NAA15: variants seen among roughly 807,000 people sequenced by gnomAD.
The protein encoded by NAA15 is N-alpha-acetyltransferase 15, NatA auxiliary subunit, also known as N-terminal acetyltransferase.
A neutral mutation model predicts 114.0 loss-of-function variants in NAA15; 34 were observed. The ratio of observed to expected loss-of-function variants is 0.30; its 90% CI spans 0.23 to 0.40. The LOEUF (loss-of-function observed/expected upper bound fraction) is 0.40. Ranked by LOEUF, NAA15 falls within the 10% of genes least tolerant of loss-of-function variation. The pLI is 1.00. For synonymous variants in NAA15, 340 were observed against 338.0 expected, an observed-to-expected ratio of 1.01 and a Z score of -0.06; for missense variants, 658 against 1,004.5, an observed-to-expected ratio of 0.66 and a Z score of 4.66.
intron 1 of NAA15, among the ~76,000 whole-genome samples, chr4:139,307,299 A>G (rs993127229): frequency 3.3e-5 from 5 of 152,174 alleles, no homozygotes; most frequent in African/African-American, 1.2e-4. Context: ...GACAGGGTCT[A>G]ACTCTATCAC....
chr4:139,375,115 G>A (rs757706512), intron 15 of NAA15, among the ~76,000 whole-genome samples: 1 of 152,146 alleles, frequency 6.6e-6, no homozygotes, highest in Non-Finnish European at 1.5e-5. Flanking sequence ...GCCTTTCTCT[G>A]ATACAACTGT....
chr4:139,355,031 G>A (rs913322731), intron 10 of NAA15, among the ~76,000 whole-genome samples: 1 of 152,044 alleles, frequency 6.6e-6, no homozygotes, highest in African/African-American at 2.4e-5. Context: ...CTGCCACCAC[G>A]CCTGGCTAAT....
chr4:139,332,572 GTTTTTTTTTTTTTTT>G (rs1164115947), intron 1 of NAA15, among the ~76,000 whole-genome samples: 2 of 62,012 alleles, frequency 3.2e-5, no homozygotes, highest in East Asian at 5.8e-4. Flanking sequence ...TGGTTTGTAT[GTTTTTTTTTTTTTTT>G]TTTTTTTTTT....
intron 15 of NAA15, among the ~76,000 whole-genome samples, chr4:139,370,813 G>T (rs1748414967): frequency 6.6e-6 from 1 of 152,212 alleles, no homozygotes; most frequent in Non-Finnish European, 1.5e-5. Flanking sequence ...TCTAATGTCT[G>T]TTACAGTGGT....
intron 8 of NAA15, 28 bp from the exon 9 acceptor site, chr4:139,351,477 T>C (rs763831546): frequency 5.4e-5 from 72 of 1,322,362 alleles, no homozygotes; most frequent in Non-Finnish European, 7.2e-5. Flanking sequence ...TTGATAAATA[T>C]AAGCGAAAAG....
intron 1 of NAA15, among the ~76,000 whole-genome samples, chr4:139,332,875 C>T (rs900872268): frequency 2.0e-5 from 3 of 152,048 alleles, no homozygotes; most frequent in Admixed American, 6.5e-5. Context: ...AGCCACCGTG[C>T]CTGGCCTCTT....
chr4:139,304,149 A>C (rs1031417406), intron 1 of NAA15, among the ~76,000 whole-genome samples: 2 of 152,114 alleles, frequency 1.3e-5, no homozygotes, highest in East Asian at 3.9e-4. Context: ...CAATCTCCTG[A>C]CCTAGTGATC....
At chr4:139,365,713 T>C (rs1487061100) in intron 14 of NAA15, among the ~76,000 whole-genome samples, 3 of 151,956 alleles carry the variant, frequency 2.0e-5, no homozygotes, top group African/African-American at 7.3e-5. Flanking sequence ...AAAATAGGCA[T>C]GGTGGTGAGC....
At chr4:139,333,612 C>T (rs541561156) in intron 1 of NAA15, among the ~76,000 whole-genome samples, 18 of 152,300 alleles carry the variant, frequency 1.2e-4, no homozygotes, top group Non-Finnish European at 2.2e-4. Context: ...CATAGTGGCT[C>T]ATGCCTGTTA....
intron 6 of NAA15, among the ~76,000 whole-genome samples, chr4:139,347,118 A>G (rs992715817): frequency 6.6e-6 from 1 of 151,898 alleles, no homozygotes; most frequent in Non-Finnish European, 1.5e-5. Context: ...TTTGGTTAGT[A>G]TAGTGCAGGC....
At chr4:139,319,219 G>A (rs1046487808) in intron 1 of NAA15, among the ~76,000 whole-genome samples, 3 of 152,166 alleles carry the variant, frequency 2.0e-5, no homozygotes, top group Non-Finnish European at 4.4e-5. Context: ...GTTTAAACCC[G>A]TGAGGCGGGG....
intron 15 of NAA15, among the ~76,000 whole-genome samples, chr4:139,370,764 A>C (rs1579130632): frequency 6.6e-6 from 1 of 152,302 alleles, no homozygotes; most frequent in Admixed American, 6.5e-5. Flanking sequence ...AACTAAGAAA[A>C]TCCTTATTTA....
At chr4:139,381,627 A>G (rs1748757933) in intron 17 of NAA15, among the ~76,000 whole-genome samples, 1 of 151,806 alleles carries the variant, frequency 6.6e-6, no homozygotes, top group African/African-American at 2.4e-5. Context: ...TTGAGTTGTA[A>G]TCACTTACTC....
intron 18 of NAA15, 47 bp downstream of exon 18, chr4:139,385,025 T>A: frequency 7.3e-7 from 1 of 1,376,404 alleles, no homozygotes; most frequent in East Asian, 2.5e-5. Flanking sequence ...ACTTCAGTAA[T>A]TTTAATGAAT....
intron 6 of NAA15, among the ~76,000 whole-genome samples, chr4:139,345,352 GA>G (rs754450511): frequency 1.3e-5 from 2 of 152,156 alleles, no homozygotes; most frequent in Non-Finnish European, 2.9e-5. Flanking sequence ...GGCAAGTCTG[GA>G]AAAAACTTGT....
At chr4:139,355,858 C>T (rs1322335170) in intron 10 of NAA15, among the ~76,000 whole-genome samples, 2 of 152,138 alleles carry the variant, frequency 1.3e-5, no homozygotes, top group African/African-American at 4.8e-5. Flanking sequence ...ATGTTAGCAA[C>T]TGTTAAGAAT....
chr4:139,322,023 TGCCTTTCTTAATA>T (rs897755803), intron 1 of NAA15, among the ~76,000 whole-genome samples: 1 of 152,206 alleles, frequency 6.6e-6, no homozygotes, highest in African/African-American at 2.4e-5. Context: ...TGGATCCTCT[TGCCTTTCTTAATA>T]GAGTTTTGTT....
chr4:139,367,353 T>A (rs1748311712), intron 14 of NAA15, among the ~76,000 whole-genome samples: 1 of 152,186 alleles, frequency 6.6e-6, no homozygotes, highest in Non-Finnish European at 1.5e-5. Context: ...TTTTTTTCTT[T>A]TGGAAGTTAA....
intron 14 of NAA15, among the ~76,000 whole-genome samples, chr4:139,366,255 A>G (rs1172276470): frequency 6.6e-6 from 1 of 152,164 alleles, no homozygotes; most frequent in South Asian, 2.1e-4. Flanking sequence ...TTGGATGGGC[A>G]TGCCATCATT....
Sources: gnomAD v4.1 joint callset for allele counts (sites outside exome capture counted in the v4.1 genomes callset) on GRCh38, gnomAD v4.1.1 for gene constraint, MANE v1.5 for transcripts, NCBI Gene and HGNC (gene_info 2026-07-23, HGNC 2026-07-21) for gene names.